PSMC6: variants seen among roughly 807,000 people sequenced by gnomAD.
PSMC6 encodes the protein proteasome 26S subunit, ATPase 6.
In PSMC6, 3 loss-of-function variants were observed where a neutral mutation model predicts 55.9. The observed-to-expected ratio is 0.05, with a 90% CI of 0.02 to 0.14. The LOEUF is 0.14. PSMC6 is among the 10% of genes least tolerant of loss of function. The pLI, the probability that PSMC6 is intolerant of heterozygous loss-of-function variation, is 1.00. For missense variants in PSMC6, 210 were observed against 478.7 expected, an observed-to-expected ratio of 0.44 and a Z score of 5.24; for synonymous variants, 137 against 155.9, an observed-to-expected ratio of 0.88 and a Z score of 0.90.
rs1019869925 is a variant in PSMC6 at position 52,728,328 on chromosome 14, G to A, written c.*711G>A. On this transcript the variant is annotated 3_prime_UTR_variant, in exon 14 of 14. Coordinates refer to ENST00000445930, the MANE Select transcript of PSMC6 (RefSeq NM_002806.5). ...ATGTGACTGGGTTTTCTTGGTTTAT[G>A]TAAGACGATAGGTCCCTGTTGAGGA... 5 of 152,208 alleles carry A rather than the reference G, an allele frequency of 3.3e-5. No homozygotes were observed. Among genetic ancestry groups the A allele is most frequent in the African/African-American group, 1.2e-4 (5 of 41,446 alleles). The allele number at this position is 152,208 out of a possible 1,614,324, so 9.4% of individuals were successfully genotyped here.
chr14:52,719,567 G>A (rs2041866501), intron 10 of PSMC6, among the ~76,000 whole-genome samples: 2 of 152,212 alleles, frequency 1.3e-5, no homozygotes, highest in African/African-American at 4.8e-5. Context: ...GATATCAAGA[G>A]TCCAAATACA....
At chr14:52,723,860 C>T in intron 12 of PSMC6, 105 bp from the exon 13 acceptor site, 1 of 1,505,870 alleles carries the variant, frequency 6.6e-7, no homozygotes. Flanking sequence ...TGATGTCTAG[C>T]TGATCAAACT....
At chr14:52,707,985 G>T (rs1296074702) in intron 1 of PSMC6, among the ~76,000 whole-genome samples, 1 of 152,186 alleles carries the variant, frequency 6.6e-6, no homozygotes, top group African/African-American at 2.4e-5. Flanking sequence ...GTGAGGAAGG[G>T]TCTAAGTGAT....
At chr14:52,722,788 C>G (rs28437939) in intron 12 of PSMC6, 70,832 of 151,946 alleles carry the variant, frequency 0.47, 16,747 homozygotes, top group Middle Eastern at 0.56. Flanking sequence ...CCCAAGCATG[C>G]TCATTTATCT....
chr14:52,725,271 CT>C (rs1209807962), intron 13 of PSMC6, among the ~76,000 whole-genome samples: 7 of 152,100 alleles, frequency 4.6e-5, no homozygotes, highest in African/African-American at 1.7e-4. Context: ...AAAATATACG[CT>C]TTTTTTCCTT....
rs372202747 is a variant in PSMC6 at position 52,718,947 on chromosome 14, G to A, written c.716-30G>A. ...GATGGTTGTAGAGGAAAAGAGTAATGCATATAAATTTCCAAATCTACTATC... is the reference window on the plus strand; with the variant it reads ...GATGGTTGTAGAGGAAAAGAGTAATACATATAAATTTCCAAATCTACTATC... On this transcript the variant is annotated intron_variant, in intron 9 of 13. Transcript: ENST00000445930. The A allele has an allele frequency of 6.6e-6, 10 of 1,522,478 alleles. No homozygotes were observed. In the African/African-American group the frequency reaches 1.4e-4, roughly 21 times the overall value. 94.3% of individuals were successfully genotyped at this position (1,522,478 alleles called of 1,614,324 possible). A position where few individuals can be genotyped will look rare whatever the true frequency, so the allele number is the denominator to read the frequency against.
intron 12 of PSMC6, 101 bp from the exon 13 acceptor site, chr14:52,723,864 T>G: frequency 2.0e-6 from 3 of 1,518,488 alleles, no homozygotes; most frequent in Non-Finnish European, 2.6e-6. Context: ...GTCTAGCTGA[T>G]CAAACTCAAA....
intron 10 of PSMC6, 93 bp downstream of exon 10, chr14:52,719,131 A>G: frequency 1.9e-6 from 2 of 1,061,968 alleles, no homozygotes; most frequent in Non-Finnish European, 2.8e-6. Flanking sequence ...TATATAGAAC[A>G]TTTTAAATGA....
intron 12 of PSMC6, 122 bp downstream of exon 12, chr14:52,721,312 C>T: frequency 7.3e-6 from 6 of 817,840 alleles, no homozygotes; most frequent in Non-Finnish European, 1.1e-5. Context: ...GTTTTAAATT[C>T]AGCAAATAGT....
intron 4 of PSMC6, 85 bp from the exon 5 acceptor site, chr14:52,711,009 AATGAGTG>A: frequency 1.5e-6 from 1 of 666,272 alleles, no homozygotes; most frequent in Non-Finnish European, 2.6e-6. Context: ...GGAGGGTAAA[AATGAGTG>A]TTTGGCTTCT....
rs1015871314 is a variant in PSMC6 at position 52,723,959 on chromosome 14, A to G, written c.980-6A>G. The G allele has an allele frequency of 3.1e-6, 5 of 1,612,186 alleles. No homozygotes were observed. The highest frequency in any genetic ancestry group is 4.2e-6 in the Non-Finnish European group (5 of 1,179,238). On this transcript the variant is annotated splice_region_variant and splice_polypyrimidine_tract_variant and intron_variant, in intron 12 of 13. Transcript: ENST00000445930. ...AAAACTAATTTCCAGTATTTTTTCT[A>G]AACAGATTATGAAGCAATTGTGAAG...
intron 6 of PSMC6, among the ~76,000 whole-genome samples, chr14:52,712,104 A>G (rs558684028): frequency 2.6e-5 from 4 of 152,340 alleles, no homozygotes; most frequent in East Asian, 3.9e-4. Context: ...ACATTGTCCT[A>G]TGGATTTTAT....
intron 10 of PSMC6, among the ~76,000 whole-genome samples, chr14:52,720,397 A>AAAAAT (rs2041878344): frequency 6.8e-6 from 1 of 147,900 alleles, no homozygotes; most frequent in Non-Finnish European, 1.5e-5. Flanking sequence ...AAAAAAAAAA[A>AAAAAT]TTATCAGTTT....
intron 13 of PSMC6, among the ~76,000 whole-genome samples, chr14:52,725,447 G>T (rs779523419): frequency 6.6e-6 from 1 of 152,062 alleles, no homozygotes. Flanking sequence ...AACATTTTTC[G>T]TAAGTTAAAA....
chr14:52,726,624 C>T (rs1214355785), intron 13 of PSMC6, among the ~76,000 whole-genome samples: 1 of 151,982 alleles, frequency 6.6e-6, no homozygotes, highest in Non-Finnish European at 1.5e-5. Context: ...GATACAGGGA[C>T]CATTTAAGCC....
intron 5 of PSMC6, 33 bp downstream of exon 5, chr14:52,711,201 A>G (rs758019975): frequency 6.4e-7 from 1 of 1,573,940 alleles, no homozygotes; most frequent in Non-Finnish European, 8.7e-7. Flanking sequence ...TTCACCTTTT[A>G]TTTTCACAAA....
chr14:52,710,922 G>T, intron 4 of PSMC6, 179 bp from the exon 5 acceptor site: 12 of 635,008 alleles, frequency 1.9e-5, no homozygotes, highest in South Asian at 5.3e-5. Context: ...GGAGCAGGTG[G>T]AAATCACTTT....
At chr14:52,726,151 G>A (rs1471540322) in intron 13 of PSMC6, among the ~76,000 whole-genome samples, 1 of 152,104 alleles carries the variant, frequency 6.6e-6, no homozygotes, top group African/African-American at 2.4e-5. Flanking sequence ...ACCTGCTTTA[G>A]TTTATCATGA....
chr14:52,719,310 GA>G (rs1176475862), intron 10 of PSMC6, among the ~76,000 whole-genome samples: 13 of 152,036 alleles, frequency 8.6e-5, no homozygotes, highest in Non-Finnish European at 1.5e-5. Context: ...AAATTCTTAT[GA>G]ATGTGATCTT....
Sources: gnomAD v4.1 joint callset for allele counts (sites outside exome capture counted in the v4.1 genomes callset) on GRCh38, gnomAD v4.1.1 for gene constraint, MANE v1.5 for transcripts, NCBI Gene and HGNC (gene_info 2026-07-23, HGNC 2026-07-21) for gene names.